The following LPP variants were observed in gnomAD, a reference collection of about 807,000 sequenced individuals.
LPP encodes the protein lipoma-preferred partner.
A neutral mutation model predicts 60.4 loss-of-function variants in LPP; 38 were observed. The ratio of observed to expected loss-of-function variants is 0.63; its 90% CI spans 0.49 to 0.83. The LOEUF is 0.83. Ranked by LOEUF, LPP falls within the 40% of genes least tolerant of loss-of-function variation. The pLI, the probability that LPP is intolerant of heterozygous loss-of-function variation, is 0.00. For missense variants in LPP, 902 were observed against 783.6 expected, an observed-to-expected ratio of 1.15 and a Z score of -1.80; for synonymous variants, 328 against 290.8, an observed-to-expected ratio of 1.13 and a Z score of -1.30.
chr3:188,717,540 T>C (rs1428338109), intron 8 of LPP, among the ~76,000 whole-genome samples: 1 of 152,134 alleles, frequency 6.6e-6, no homozygotes, highest in Non-Finnish European at 1.5e-5. Flanking sequence ...AGACAATAAG[T>C]GGCTTAGAGA....
At chr3:188,756,711 C>A (rs150846049) in intron 8 of LPP, among the ~76,000 whole-genome samples, 4 of 152,048 alleles carry the variant, frequency 2.6e-5, no homozygotes, top group Admixed American at 2.6e-4. Flanking sequence ...TCACTTTTTT[C>A]TGTACTTGTG....
chr3:188,279,484 G>T (rs748743631), intron 2 of LPP, among the ~76,000 whole-genome samples: 31 of 152,204 alleles, frequency 2.0e-4, no homozygotes, highest in Non-Finnish European at 3.1e-4. Context: ...AATTGAGAAG[G>T]TGCTCACCTT....
chr3:188,198,038 C>T (rs990871766), intron 1 of LPP, among the ~76,000 whole-genome samples: 4 of 152,154 alleles, frequency 2.6e-5, no homozygotes, highest in African/African-American at 9.7e-5. Flanking sequence ...ATACCTGTGT[C>T]CTAAGATTGC....
At chr3:188,753,946 C>T (rs1729178702) in intron 8 of LPP, among the ~76,000 whole-genome samples, 1 of 152,204 alleles carries the variant, frequency 6.6e-6, no homozygotes, top group East Asian at 1.9e-4. Context: ...TACAGTCCAG[C>T]TTTTAAGATA....
At chr3:188,470,269 C>G (rs1250600275) in intron 4 of LPP, among the ~76,000 whole-genome samples, 1 of 140,660 alleles carries the variant, frequency 7.1e-6, no homozygotes, top group South Asian at 2.3e-4. Flanking sequence ...CTTTTCTTCT[C>G]TCTCTCTCTC....
At chr3:188,612,585 C>T (rs1843953860) in intron 7 of LPP, among the ~76,000 whole-genome samples, 1 of 152,124 alleles carries the variant, frequency 6.6e-6, no homozygotes, top group Non-Finnish European at 1.5e-5. Context: ...TTAATGATTG[C>T]AAAAGGCTTG....
intron 4 of LPP, among the ~76,000 whole-genome samples, chr3:188,476,114 C>T (rs1803147447): frequency 6.6e-6 from 1 of 152,088 alleles, no homozygotes. Context: ...TCATCATAGC[C>T]CTTCTCACCA....
At chr3:188,177,872 TTGC>T (rs1723537658) in intron 1 of LPP, among the ~76,000 whole-genome samples, 1 of 152,152 alleles carries the variant, frequency 6.6e-6, no homozygotes, top group African/African-American at 2.4e-5. Context: ...ACTTTGACAG[TTGC>T]TGCCCGAGGT....
intron 2 of LPP, among the ~76,000 whole-genome samples, chr3:188,232,538 T>TAG (rs201351230): frequency 0.019 from 2,503 of 131,960 alleles, 69 homozygotes; most frequent in African/African-American, 0.066. Context: ...GTATTTTTAG[T>TAG]AGAGGAGGTT....
intron 4 of LPP, among the ~76,000 whole-genome samples, chr3:188,427,893 C>T (rs1789842082): frequency 6.6e-6 from 1 of 152,096 alleles, no homozygotes. Flanking sequence ...GGCTCCCTGG[C>T]TTCAGTCCCC....
chr3:188,540,028 A>C (rs1317250085), intron 6 of LPP, among the ~76,000 whole-genome samples: 2 of 152,188 alleles, frequency 1.3e-5, no homozygotes, highest in Non-Finnish European at 2.9e-5. Context: ...ATGACTTTGC[A>C]CAATTTGCTG....
intron 7 of LPP, among the ~76,000 whole-genome samples, chr3:188,697,704 A>T (rs1213383822): frequency 2.0e-5 from 3 of 152,212 alleles, no homozygotes; most frequent in South Asian, 4.1e-4. Context: ...AAAATTATAA[A>T]GAGAAAAACT....
intron 4 of LPP, among the ~76,000 whole-genome samples, chr3:188,458,018 G>T (rs570958274): frequency 1.3e-5 from 2 of 152,148 alleles, no homozygotes; most frequent in Non-Finnish European, 2.9e-5. Context: ...GATACATGGA[G>T]CAGCAGATAT....
chr3:188,265,869 T>TGG (rs1240125258), intron 2 of LPP, among the ~76,000 whole-genome samples: 2 of 93,854 alleles, frequency 2.1e-5, no homozygotes, highest in Non-Finnish European at 4.2e-5. Context: ...AGGATTACTC[T>TGG]GGTGTGTGTG....
chr3:188,428,597 T>A (rs1790091419), intron 4 of LPP, among the ~76,000 whole-genome samples: 1 of 109,328 alleles, frequency 9.1e-6, no homozygotes. Flanking sequence ...TATATATATA[T>A]TTTTTTTTTT....
chr3:188,852,981 T>TA (rs1763013386), intron 9 of LPP, among the ~76,000 whole-genome samples: 1 of 151,480 alleles, frequency 6.6e-6, no homozygotes, highest in African/African-American at 2.4e-5. Context: ...CCATCTCTAC[T>TA]AAAAATACAG....
intron 6 of LPP, among the ~76,000 whole-genome samples, chr3:188,561,528 T>C (rs1448512164): frequency 6.6e-6 from 1 of 152,098 alleles, no homozygotes; most frequent in Admixed American, 6.6e-5. Flanking sequence ...AGCACTGGAC[T>C]AAAAGTCGGA....
At chr3:188,467,620 A>G (rs1313184715) in intron 4 of LPP, among the ~76,000 whole-genome samples, 1 of 152,144 alleles carries the variant, frequency 6.6e-6, no homozygotes, top group East Asian at 1.9e-4. Context: ...ATTATCCTGG[A>G]GTATAAGGAT....
chr3:188,250,041 C>T (rs890512426), intron 2 of LPP, among the ~76,000 whole-genome samples: 8 of 152,018 alleles, frequency 5.3e-5, no homozygotes, highest in Non-Finnish European at 1.0e-4. Flanking sequence ...AGCTTCTGTA[C>T]ATTTGACACT....
Sources: gnomAD v4.1 joint callset for allele counts (sites outside exome capture counted in the v4.1 genomes callset) on GRCh38, gnomAD v4.1.1 for gene constraint, MANE v1.5 for transcripts, NCBI Gene and HGNC (gene_info 2026-07-23, HGNC 2026-07-21) for gene names.